Variants in ROCK2 observed in about 807,000 individuals in gnomAD.
ROCK2 encodes the protein rho-associated protein kinase 2.
ROCK2 carries 61 observed loss-of-function variants against 195.1 expected under a neutral mutation model. That is an observed-to-expected ratio of 0.31 (90% CI 0.25 to 0.39). The LOEUF is 0.39. Among genes scored for constraint, ROCK2 ranks in the 10% least tolerant of loss-of-function variants. The pLI, the probability that ROCK2 is intolerant of heterozygous loss-of-function variation, is 1.00. For missense variants in ROCK2, 1,109 were observed against 1,637.4 expected (o/e 0.68, Z 5.57); for synonymous variants, 504 against 545.5 (o/e 0.92, Z 1.06).
chr2:11,258,910 T>G (rs1666128647), intron 3 of ROCK2, among the ~76,000 whole-genome samples: 2 of 145,284 alleles, frequency 1.4e-5, no homozygotes, highest in African/African-American at 5.2e-5. Flanking sequence ...AGGGAAAGAG[T>G]TGGAGCTGAG....
chr2:11,273,513 A>G (rs1444014734), intron 3 of ROCK2, among the ~76,000 whole-genome samples: 1 of 152,248 alleles, frequency 6.6e-6, no homozygotes, highest in African/African-American at 2.4e-5. Flanking sequence ...ATGCAAAAAC[A>G]GAACTGAGGG....
At chr2:11,321,347 T>C (rs1278442095) in intron 1 of ROCK2, among the ~76,000 whole-genome samples, 1 of 151,812 alleles carries the variant, frequency 6.6e-6, no homozygotes, top group East Asian at 2.0e-4. Flanking sequence ...GGCTAATTTT[T>C]GTATTTTTAG....
At chr2:11,244,992 T>G (rs564958662) in intron 4 of ROCK2, among the ~76,000 whole-genome samples, 211 of 152,002 alleles carry the variant, frequency 1.4e-3, no homozygotes, top group Non-Finnish European at 2.4e-3. Context: ...ATTATGCACA[T>G]AGATGCAAAA....
chr2:11,315,392 G>T (rs990723612), intron 1 of ROCK2, among the ~76,000 whole-genome samples: 1 of 151,534 alleles, frequency 6.6e-6, no homozygotes, highest in African/African-American at 2.4e-5. Context: ...AATGTTAGGG[G>T]AACAAAATGG....
chr2:11,205,001 T>C (rs1187637584), intron 20 of ROCK2, among the ~76,000 whole-genome samples: 1 of 152,156 alleles, frequency 6.6e-6, no homozygotes. Flanking sequence ...AACTTTAATC[T>C]CTATGTATGT....
intron 7 of ROCK2, among the ~76,000 whole-genome samples, chr2:11,223,535 TA>T: frequency 6.6e-6 from 1 of 152,170 alleles, no homozygotes; most frequent in African/African-American, 2.4e-5. Flanking sequence ...AATCTTAGCA[TA>T]TTAAAGCTAG....
At chr2:11,244,637 G>T (rs1283186878) in intron 4 of ROCK2, among the ~76,000 whole-genome samples, 1 of 151,944 alleles carries the variant, frequency 6.6e-6, no homozygotes, top group African/African-American at 2.4e-5. Flanking sequence ...GTACATGCCT[G>T]CAGTACCAGC....
chr2:11,216,287 A>G, intron 12 of ROCK2, 81 bp from the exon 13 acceptor site: 1 of 1,035,120 alleles, frequency 9.7e-7, no homozygotes, highest in Non-Finnish European at 1.5e-6. Flanking sequence ...GTAATTACAT[A>G]ATTACTTGGT....
At chr2:11,202,145 T>C in intron 20 of ROCK2, 24 bp from the exon 21 acceptor site, 1 of 1,580,532 alleles carries the variant, frequency 6.3e-7, no homozygotes, top group Non-Finnish European at 8.7e-7. Flanking sequence ...GAATCAAAGG[T>C]TTAAATAACT....
Position 11,224,289 on chromosome 2 carries a change from G to C in ROCK2, c.1007+33C>G, listed in dbSNP as rs548368024. The C allele has an allele frequency of 1.4e-5, 22 of 1,557,528 alleles. No individual in the cohort carries two copies. The Admixed American group carries it at 2.4e-4, about 17-fold the overall frequency. ...TTATTTCTATAAATTTAACATAAAG[G>C]GCTTCTCTACAAAGAAATTCAATGT... On this transcript the variant is annotated intron_variant, in intron 7 of 32. Transcript: ENST00000315872.
At chr2:11,280,507 T>A (rs58007526) in intron 3 of ROCK2, among the ~76,000 whole-genome samples, 3,431 of 150,808 alleles carry the variant, frequency 0.023, 60 homozygotes, top group East Asian at 0.053. Flanking sequence ...GGTGCACACC[T>A]GTAGTCTCAG....
intron 3 of ROCK2, among the ~76,000 whole-genome samples, chr2:11,274,322 A>C (rs1395640203): frequency 6.6e-6 from 1 of 152,144 alleles, no homozygotes; most frequent in African/African-American, 2.4e-5. Context: ...AATGAAACCA[A>C]AAGTTGGTTC....
At position 11,216,187 on chromosome 2, in the gene ROCK2, C is replaced by T; in HGVS notation, c.1432G>A (p.Glu478Lys). Residue 478 changes from glutamate to lysine, a missense_variant, in exon 13 of 33, where the codon GAA becomes AAA. Glu to Lys is a moderately conservative substitution (Grantham distance 56). Transcript: ENST00000315872. ...QKCKSVNTRL[E>K]KTAKELEEEI... Reference sequence around the variant, plus strand: ...TCTTCTAGCTCCTTTGCTGTTTTTTCTAGGCGAGTATTAACAGATCTAAAG... The same window carrying T: ...TCTTCTAGCTCCTTTGCTGTTTTTTTTAGGCGAGTATTAACAGATCTAAAG... The T allele has an allele frequency of 1.2e-6, 2 of 1,612,234 alleles. No individual in the cohort carries two copies. The highest frequency in any genetic ancestry group is 1.7e-6 in the Non-Finnish European group (2 of 1,178,512).
At chr2:11,317,627 T>TTTTTTTA (rs1192587957) in intron 1 of ROCK2, among the ~76,000 whole-genome samples, 846 of 31,152 alleles carry the variant, frequency 0.027, 103 homozygotes, top group South Asian at 0.055. Flanking sequence ...TTTTTTTTTT[T>TTTTTTTA]AATTATACTT....
intron 3 of ROCK2, among the ~76,000 whole-genome samples, chr2:11,285,371 A>T (rs1037400805): frequency 4.6e-5 from 7 of 152,150 alleles, no homozygotes; most frequent in Non-Finnish European, 7.4e-5. Context: ...TCCTTGGAAT[A>T]AAACTAGTAC....
At chr2:11,219,370 G>T in intron 9 of ROCK2, among the ~76,000 whole-genome samples, 1 of 148,234 alleles carries the variant, frequency 6.7e-6, no homozygotes. Flanking sequence ...AATTAGCCGG[G>T]CATGGTGGTG....
chr2:11,330,804 GA>G lies in ROCK2; in HGVS notation c.141+13191del, dbSNP rs1257195801. Among the ~76,000 whole-genome samples the G allele has an allele frequency of 4.2e-5, 2 of 47,990 alleles. 1 individual carries two copies. The highest frequency in any genetic ancestry group is 1.5e-4 in the African/African-American group (2 of 13,708). The allele number at this position is 47,990 out of a possible 152,430, so 31.5% of individuals were successfully genotyped here. ...GAAGAGGAGGAGAGAGGAGGGAGGA[GA>G]GAGGAGGAAGGGGAGGAGGAGGGGG... On this transcript the variant is annotated intron_variant, in intron 1 of 32. Coordinates refer to ENST00000315872, the MANE Select transcript of ROCK2 (RefSeq NM_004850.5).
chr2:11,238,692 T>C (rs1169448797), intron 4 of ROCK2, among the ~76,000 whole-genome samples: 2 of 151,898 alleles, frequency 1.3e-5, no homozygotes, highest in African/African-American at 4.8e-5. Flanking sequence ...TATACAAATA[T>C]TAAAAATTAG....
chr2:11,259,985 G>A (rs1385298625), intron 3 of ROCK2, among the ~76,000 whole-genome samples: 1 of 151,548 alleles, frequency 6.6e-6, no homozygotes, highest in Non-Finnish European at 1.5e-5. Context: ...AACACAGGTG[G>A]GGAGTGGGAA....
Sources: allele counts gnomAD v4.1 joint callset (sites outside exome capture counted in the v4.1 genomes callset), GRCh38; gene constraint gnomAD v4.1.1; transcripts MANE v1.5; gene names NCBI Gene and HGNC (gene_info 2026-07-23, HGNC 2026-07-21).